DLG2: variants seen among roughly 807,000 people sequenced by gnomAD.
DLG2 encodes the protein discs large MAGUK scaffold protein 2.
A neutral mutation model predicts 132.5 loss-of-function variants in DLG2; 45 were observed. The ratio of observed to expected loss-of-function variants is 0.34; its 90% CI spans 0.27 to 0.44. The LOEUF is 0.44. Ranked by LOEUF, DLG2 falls within the 20% of genes least tolerant of loss-of-function variation. The pLI, the probability that DLG2 is intolerant of heterozygous loss-of-function variation, is 1.00. For missense variants in DLG2, 1,045 were observed against 1,196.9 expected (o/e 0.87, Z 1.87); for synonymous variants, 424 against 419.6 (o/e 1.01, Z -0.13).
intron 6 of DLG2, among the ~76,000 whole-genome samples, chr11:84,553,178 C>T (rs1365500594): frequency 1.3e-5 from 2 of 152,130 alleles, no homozygotes; most frequent in African/African-American, 4.8e-5. Flanking sequence ...ATCTTATTCC[C>T]CCCAAAATGT....
intron 3 of DLG2, among the ~76,000 whole-genome samples, chr11:85,487,138 T>C (rs1054480479): frequency 6.6e-6 from 1 of 151,152 alleles, no homozygotes; most frequent in Admixed American, 6.6e-5. Flanking sequence ...ACAAGATATA[T>C]ATATATCTTG....
At chr11:83,640,346 G>T (rs922784998) in intron 18 of DLG2, among the ~76,000 whole-genome samples, 9 of 152,166 alleles carry the variant, frequency 5.9e-5, no homozygotes, top group African/African-American at 2.2e-4. Flanking sequence ...ATGGTGTGTA[G>T]TCTGTTGGGG....
At chr11:84,464,080 A>G (rs1166012627) in intron 7 of DLG2, among the ~76,000 whole-genome samples, 1 of 151,266 alleles carries the variant, frequency 6.6e-6, no homozygotes, top group Non-Finnish European at 1.5e-5. Flanking sequence ...TGAGTTGGTC[A>G]TACAGAGATA....
At chr11:84,730,267 A>T (rs554508244) in intron 6 of DLG2, among the ~76,000 whole-genome samples, 67 of 152,194 alleles carry the variant, frequency 4.4e-4, no homozygotes, top group African/African-American at 1.1e-3. Flanking sequence ...GTACAAAAAA[A>T]GGGGAGGAGG....
intron 3 of DLG2, among the ~76,000 whole-genome samples, chr11:85,515,648 C>A (rs924560557): frequency 6.6e-6 from 1 of 151,902 alleles, no homozygotes; most frequent in Non-Finnish European, 1.5e-5. Flanking sequence ...CTCTCAATGA[C>A]ATAAAGAGAA....
intron 3 of DLG2, among the ~76,000 whole-genome samples, chr11:85,527,547 T>C (rs1196758784): frequency 5.9e-5 from 9 of 152,170 alleles, no homozygotes; most frequent in Non-Finnish European, 2.9e-5. Flanking sequence ...TATGGCTCCA[T>C]AGTATTCCAT....
At chr11:84,443,449 C>T (rs1192305989) in intron 7 of DLG2, among the ~76,000 whole-genome samples, 3 of 152,244 alleles carry the variant, frequency 2.0e-5, no homozygotes, top group Non-Finnish European at 4.4e-5. Flanking sequence ...TGGTGGATCA[C>T]AGAATATGTC....
intron 4 of DLG2, among the ~76,000 whole-genome samples, chr11:85,223,518 T>C (rs1361994893): frequency 6.6e-6 from 1 of 152,000 alleles, no homozygotes; most frequent in East Asian, 1.9e-4. Context: ...TGCGTGCTTG[T>C]GGTCCGGGCT....
intron 6 of DLG2, among the ~76,000 whole-genome samples, chr11:84,827,140 A>G (rs2153988384): frequency 6.6e-6 from 1 of 151,952 alleles, no homozygotes; most frequent in South Asian, 2.1e-4. Context: ...AATGGAAATG[A>G]TCATACAAGT....
At chr11:84,613,798 T>C (rs1325466236) in intron 6 of DLG2, among the ~76,000 whole-genome samples, 2 of 152,178 alleles carry the variant, frequency 1.3e-5, no homozygotes, top group Non-Finnish European at 2.9e-5. Context: ...AACCTTACAA[T>C]GGAGATTCCT....
intron 7 of DLG2, among the ~76,000 whole-genome samples, chr11:84,517,761 A>T (rs981269344): frequency 6.6e-6 from 1 of 152,054 alleles, no homozygotes; most frequent in Non-Finnish European, 1.5e-5. Context: ...ATGTTCATCA[A>T]TGGATGAACG....
At chr11:85,426,899 T>C (rs910604374) in intron 3 of DLG2, among the ~76,000 whole-genome samples, 1 of 151,940 alleles carries the variant, frequency 6.6e-6, no homozygotes, top group Non-Finnish European at 1.5e-5. Flanking sequence ...GACGAATGGC[T>C]AACTAGAATA....
At chr11:85,212,927 T>C (rs1195495540) in intron 4 of DLG2, among the ~76,000 whole-genome samples, 2 of 152,170 alleles carry the variant, frequency 1.3e-5, no homozygotes, top group African/African-American at 4.8e-5. Flanking sequence ...AAAAGTAAGA[T>C]GAAAACTGCT....
At chr11:84,284,778 G>A (rs146571174) in intron 7 of DLG2, among the ~76,000 whole-genome samples, 2 of 152,278 alleles carry the variant, frequency 1.3e-5, no homozygotes, top group Non-Finnish European at 2.9e-5. Context: ...CTGTAGGGCA[G>A]TATTAAGAAT....
intron 4 of DLG2, among the ~76,000 whole-genome samples, chr11:85,188,234 C>T (rs770251565): frequency 8.5e-5 from 13 of 152,128 alleles, no homozygotes; most frequent in African/African-American, 3.1e-4. Flanking sequence ...AAACTCTAAC[C>T]AAATATTGGC....
chr11:84,712,914 C>G (rs1039057258), intron 6 of DLG2, among the ~76,000 whole-genome samples: 1 of 152,060 alleles, frequency 6.6e-6, no homozygotes, highest in African/African-American at 2.4e-5. Context: ...TAGTTGTAGC[C>G]TTGGCTGTGT....
At chr11:85,157,905 C>A (rs1391658885) in intron 4 of DLG2, among the ~76,000 whole-genome samples, 1 of 152,054 alleles carries the variant, frequency 6.6e-6, no homozygotes, top group Non-Finnish European at 1.5e-5. Context: ...GGCAACATCC[C>A]CTCCCCGACC....
chr11:83,603,428 T>C (rs1330002530), intron 19 of DLG2, among the ~76,000 whole-genome samples: 1 of 152,200 alleles, frequency 6.6e-6, no homozygotes, highest in Non-Finnish European at 1.5e-5. Flanking sequence ...CATCTTACAT[T>C]GTTATCTTTA....
At chr11:84,286,727 C>A (rs1272059698) in intron 7 of DLG2, among the ~76,000 whole-genome samples, 4 of 152,136 alleles carry the variant, frequency 2.6e-5, no homozygotes, top group Non-Finnish European at 4.4e-5. Flanking sequence ...CAACAAGTGT[C>A]TGAGTGAGGA....
Sources: allele counts gnomAD v4.1 joint callset (sites outside exome capture counted in the v4.1 genomes callset), GRCh38; gene constraint gnomAD v4.1.1; transcripts MANE v1.5; gene names NCBI Gene and HGNC (gene_info 2026-07-23, HGNC 2026-07-21).